The following NKAIN3 variants were observed in gnomAD, a reference collection of about 807,000 sequenced individuals.
NKAIN3 encodes the protein sodium/potassium-transporting ATPase subunit beta-1-interacting protein 3.
In NKAIN3, 25 loss-of-function variants were observed where a neutral mutation model predicts 30.2. The ratio of observed to expected loss-of-function variants is 0.83; its 90% CI spans 0.60 to 1.16. NKAIN3 has a LOEUF of 1.16. NKAIN3 is among the 50% of genes most tolerant of loss of function. The pLI is 0.00. For missense variants in NKAIN3, 225 were observed against 254.1 expected (o/e 0.89, Z 0.78); for synonymous variants, 91 against 89.6 (o/e 1.02, Z -0.09).
rs548581040 is a variant in NKAIN3 at position 62,789,784 on chromosome 8, A to G, written c.471+42655A>G. 9.0e-4 allele frequency among the ~76,000 whole-genome samples: 137 copies of G among 152,150 alleles called. 4 individuals are homozygous for G. The South Asian group carries it at 0.028, about 31-fold the overall frequency. Reference sequence around the variant, plus strand: ...CAGGAAGAAGTTGAATCTCTGAATAAACCAATAACAGGCTCTGAAATTGAG... The same window carrying G: ...CAGGAAGAAGTTGAATCTCTGAATAGACCAATAACAGGCTCTGAAATTGAG... On this transcript the variant is annotated intron_variant, in intron 4 of 6. Transcript: ENST00000623646.
chr8:62,599,691 T>A (rs1161464754), intron 3 of NKAIN3, among the ~76,000 whole-genome samples: 1 of 152,076 alleles, frequency 6.6e-6, no homozygotes, highest in Non-Finnish European at 1.5e-5. Flanking sequence ...GAGTCCCTTG[T>A]GATAGGACCT....
At chr8:62,401,896 A>G (rs1015459198) in intron 1 of NKAIN3, among the ~76,000 whole-genome samples, 25 of 152,208 alleles carry the variant, frequency 1.6e-4, no homozygotes, top group Admixed American at 1.6e-3. Context: ...GTCTCACCCA[A>G]GGTCCACGAT....
chr8:62,464,350 G>A (rs923765272), intron 1 of NKAIN3, among the ~76,000 whole-genome samples: 11 of 152,272 alleles, frequency 7.2e-5, no homozygotes, highest in South Asian at 2.1e-4. Flanking sequence ...TGATAACAGC[G>A]TATTTCATCA....
chr8:62,424,650 T>C (rs565632482), intron 1 of NKAIN3, among the ~76,000 whole-genome samples: 300 of 151,874 alleles, frequency 2.0e-3, no homozygotes, highest in Non-Finnish European at 3.6e-3. Flanking sequence ...CCCAAAAACA[T>C]AACAAGTATT....
intron 3 of NKAIN3, among the ~76,000 whole-genome samples, chr8:62,646,138 GAAAAA>G (rs75073790): frequency 1.7e-5 from 2 of 116,190 alleles, no homozygotes; most frequent in African/African-American, 6.0e-5. Context: ...CCTCATTCTG[GAAAAA>G]AAAAAAAAAA....
intron 3 of NKAIN3, among the ~76,000 whole-genome samples, chr8:62,594,081 TA>T (rs1374683902): frequency 6.6e-6 from 1 of 151,966 alleles, no homozygotes; most frequent in African/African-American, 2.4e-5. Flanking sequence ...AATTTCTCTT[TA>T]AAAAAACTTT....
At chr8:62,541,739 T>C in intron 1 of NKAIN3, among the ~76,000 whole-genome samples, 1 of 152,192 alleles carries the variant, frequency 6.6e-6, no homozygotes, top group African/African-American at 2.4e-5. Flanking sequence ...TTTTTATGCA[T>C]TTCTGATGTT....
chr8:62,292,241 G>A (rs893433674), intron 1 of NKAIN3, among the ~76,000 whole-genome samples: 4 of 152,090 alleles, frequency 2.6e-5, no homozygotes, highest in African/African-American at 9.7e-5. Context: ...TTACATTTAA[G>A]TTTAATATTG....
intron 3 of NKAIN3, among the ~76,000 whole-genome samples, chr8:62,690,256 G>T (rs543052532): frequency 1.3e-5 from 2 of 151,964 alleles, no homozygotes; most frequent in African/African-American, 4.8e-5. Context: ...TCTCCCAACC[G>T]GGCCATGCAC....
intron 1 of NKAIN3, among the ~76,000 whole-genome samples, chr8:62,300,269 C>T (rs1319826731): frequency 1.3e-5 from 2 of 151,954 alleles, no homozygotes; most frequent in African/African-American, 4.8e-5. Flanking sequence ...TTTTTTAATT[C>T]AACGTAGGAA....
intron 4 of NKAIN3, among the ~76,000 whole-genome samples, chr8:62,765,748 T>C (rs193049094): frequency 3.0e-4 from 46 of 152,260 alleles, no homozygotes; most frequent in African/African-American, 1.1e-3. Flanking sequence ...CAGGTATAAA[T>C]TGTCAATATA....
At chr8:62,784,496 ATGAGCAACT>A (rs1817455950) in intron 4 of NKAIN3, among the ~76,000 whole-genome samples, 1 of 152,056 alleles carries the variant, frequency 6.6e-6, no homozygotes, top group Non-Finnish European at 1.5e-5. Flanking sequence ...AGATAATACT[ATGAGCAACT>A]GTATGCCAAT....
chr8:62,335,432 CAAA>C (rs5891845), intron 1 of NKAIN3, among the ~76,000 whole-genome samples: 10 of 82,174 alleles, frequency 1.2e-4, no homozygotes, highest in Admixed American at 2.5e-4. Context: ...GACTCTGTCT[CAAA>C]AAAAAAAAAA....
intron 1 of NKAIN3, among the ~76,000 whole-genome samples, chr8:62,321,966 G>T (rs1251692069): frequency 2.6e-5 from 4 of 152,178 alleles, no homozygotes; most frequent in Non-Finnish European, 5.9e-5. Context: ...TTGAGCTGCG[G>T]TGGGCTCTAC....
At chr8:62,930,276 A>G (rs1338323808) in intron 5 of NKAIN3, among the ~76,000 whole-genome samples, 1 of 151,706 alleles carries the variant, frequency 6.6e-6, no homozygotes, top group Non-Finnish European at 1.5e-5. Context: ...TTTTGGAGAC[A>G]AAGTCTCATT....
At chr8:62,412,050 GA>G (rs895751362) in intron 1 of NKAIN3, among the ~76,000 whole-genome samples, 4 of 151,708 alleles carry the variant, frequency 2.6e-5, no homozygotes, top group Non-Finnish European at 4.4e-5. Context: ...AAATGAGAAG[GA>G]AAAAAATAAA....
chr8:62,692,630 C>T (rs1814017309), intron 3 of NKAIN3, among the ~76,000 whole-genome samples: 1 of 152,184 alleles, frequency 6.6e-6, no homozygotes, highest in African/African-American at 2.4e-5. Flanking sequence ...CCCTTCTGTG[C>T]ATTCAATGAT....
chr8:62,965,797 C>T lies in NKAIN3; in HGVS notation c.*390C>T, dbSNP rs1032351264. 5 of 985,178 alleles carry T rather than the reference C, an allele frequency of 5.1e-6. No homozygotes were observed. Among genetic ancestry groups the T allele is most frequent in the Non-Finnish European group, 6.0e-6 (5 of 829,894 alleles). 61.0% of individuals were successfully genotyped at this position (985,178 alleles called of 1,614,324 possible). On this transcript the variant is annotated 3_prime_UTR_variant, in exon 7 of 7. Coordinates refer to ENST00000623646, the MANE Select transcript of NKAIN3 (RefSeq NM_001304533.3). ...AGCACTGCTGACTGTTGAAGTTATT[C>T]TAGGCCTGATGAATTTGTTTTAGCA...
intron 5 of NKAIN3, among the ~76,000 whole-genome samples, chr8:62,919,497 G>A (rs201205319): frequency 2.0e-5 from 3 of 151,730 alleles, no homozygotes; most frequent in East Asian, 3.9e-4. Flanking sequence ...CACCCGCCTC[G>A]GCCTCCCAAA....
Sources: gnomAD v4.1 joint callset for allele counts (sites outside exome capture counted in the v4.1 genomes callset) on GRCh38, gnomAD v4.1.1 for gene constraint, MANE v1.5 for transcripts, NCBI Gene and HGNC (gene_info 2026-07-23, HGNC 2026-07-21) for gene names.